The following ZNF804B variants were observed in gnomAD, a reference collection of about 807,000 sequenced individuals.
ZNF804B encodes the protein zinc finger 804B.
Under a neutral mutation model 101.4 loss-of-function variants are expected in ZNF804B, and 80 were observed. The observed-to-expected ratio is 0.79, with a 90% confidence interval of 0.66 to 0.95. The LOEUF is 0.95. Ranked by LOEUF, ZNF804B falls within the 40% of genes least tolerant of loss-of-function variation. ZNF804B has a pLI of 0.00. For synonymous variants in ZNF804B, 622 were observed against 558.8 expected, an observed-to-expected ratio of 1.11 and a Z score of -1.59; for missense variants, 1,673 against 1,561.9, an observed-to-expected ratio of 1.07 and a Z score of -1.20.
At chr7:88,765,579 A>T (rs78955265) in intron 1 of ZNF804B, among the ~76,000 whole-genome samples, 4,182 of 152,240 alleles carry the variant, frequency 0.027, 207 homozygotes, top group African/African-American at 0.092. Flanking sequence ...CAAGATACAC[A>T]TTGTCATAAT....
At chr7:88,946,490 T>C (rs1472691835) in intron 1 of ZNF804B, among the ~76,000 whole-genome samples, 2 of 151,998 alleles carry the variant, frequency 1.3e-5, no homozygotes, top group Non-Finnish European at 2.9e-5. Context: ...ATGGATTCTG[T>C]TTGCCAGTAT....
intron 1 of ZNF804B, among the ~76,000 whole-genome samples, chr7:89,152,517 A>G (rs1790894392): frequency 6.6e-6 from 1 of 152,080 alleles, no homozygotes; most frequent in Non-Finnish European, 1.5e-5. Flanking sequence ...TATGCATTCT[A>G]TCTGAACATA....
intron 1 of ZNF804B, among the ~76,000 whole-genome samples, chr7:89,101,172 A>T (rs1790049401): frequency 6.6e-6 from 1 of 152,036 alleles, no homozygotes; most frequent in Admixed American, 6.6e-5. Flanking sequence ...TCATTTACTC[A>T]TGGGCACTAT....
At chr7:88,909,387 C>T (rs1001027833) in intron 1 of ZNF804B, among the ~76,000 whole-genome samples, 8 of 151,724 alleles carry the variant, frequency 5.3e-5, no homozygotes, top group Admixed American at 2.0e-4. Flanking sequence ...GATGAAAGAG[C>T]TGTGTTGCTA....
chr7:89,019,744 A>G (rs1788633107), intron 1 of ZNF804B, among the ~76,000 whole-genome samples: 1 of 151,938 alleles, frequency 6.6e-6, no homozygotes, highest in Non-Finnish European at 1.5e-5. Flanking sequence ...GTTTCTTTTT[A>G]CAATTTTTGA....
intron 1 of ZNF804B, among the ~76,000 whole-genome samples, chr7:89,040,528 G>C (rs1562868122): frequency 6.6e-6 from 1 of 151,858 alleles, no homozygotes; most frequent in Admixed American, 6.6e-5. Context: ...CTTATTTTTG[G>C]TTAGTCGTAT....
chr7:88,868,519 C>A (rs1004082433), intron 1 of ZNF804B, among the ~76,000 whole-genome samples: 1 of 152,166 alleles, frequency 6.6e-6, no homozygotes, highest in African/African-American at 2.4e-5. Flanking sequence ...AACATTCAGG[C>A]ACATACTCCC....
chr7:88,968,955 T>C (rs1246172715), intron 1 of ZNF804B, among the ~76,000 whole-genome samples: 2 of 151,584 alleles, frequency 1.3e-5, no homozygotes, highest in Non-Finnish European at 3.0e-5. Flanking sequence ...ATTACAGTCT[T>C]ACATACACTG....
At chr7:89,207,775 G>C (rs989531542) in intron 1 of ZNF804B, among the ~76,000 whole-genome samples, 1 of 151,994 alleles carries the variant, frequency 6.6e-6, no homozygotes, top group Non-Finnish European at 1.5e-5. Flanking sequence ...AAATGTATTC[G>C]TTCTTTCAGT....
At chr7:88,895,027 A>G (rs1048478091) in intron 1 of ZNF804B, among the ~76,000 whole-genome samples, 1 of 152,196 alleles carries the variant, frequency 6.6e-6, no homozygotes, top group African/African-American at 2.4e-5. Context: ...AAAGTGCAAA[A>G]TGACAAAAAC....
intron 1 of ZNF804B, among the ~76,000 whole-genome samples, chr7:88,848,272 G>A (rs1431277986): frequency 6.6e-6 from 1 of 152,168 alleles, no homozygotes; most frequent in Non-Finnish European, 1.5e-5. Context: ...AAGAGATGAA[G>A]CTCAACAGGC....
At chr7:88,876,949 C>T (rs1479922941) in intron 1 of ZNF804B, among the ~76,000 whole-genome samples, 1 of 126,640 alleles carries the variant, frequency 7.9e-6, no homozygotes, top group Non-Finnish European at 1.6e-5. Context: ...TGAGCTTTAC[C>T]TTAAAAACAT....
intron 1 of ZNF804B, among the ~76,000 whole-genome samples, chr7:88,987,282 T>A (rs1793771719): frequency 6.6e-6 from 1 of 152,120 alleles, no homozygotes; most frequent in African/African-American, 2.4e-5. Flanking sequence ...AAAACCAAGA[T>A]TTGTCTCCTG....
At chr7:89,100,607 T>C (rs1012652865) in intron 1 of ZNF804B, among the ~76,000 whole-genome samples, 2 of 151,952 alleles carry the variant, frequency 1.3e-5, no homozygotes, top group African/African-American at 4.8e-5. Context: ...GTGTTCAAAC[T>C]ACTCAATAGG....
intron 1 of ZNF804B, among the ~76,000 whole-genome samples, chr7:89,019,159 C>T (rs994920828): frequency 6.6e-6 from 1 of 151,972 alleles, no homozygotes; most frequent in Non-Finnish European, 1.5e-5. Flanking sequence ...TGCTGCATCC[C>T]ATAAGTTTTG....
chr7:88,971,232 T>C (rs2116111966), intron 1 of ZNF804B, among the ~76,000 whole-genome samples: 1 of 151,740 alleles, frequency 6.6e-6, no homozygotes, highest in Admixed American at 6.6e-5. Flanking sequence ...GTTTGGTCAA[T>C]GACTGAAGTT....
rs539555812 is a variant in ZNF804B, at chr7:89,035,540, G to C, written c.109-182615G>C. On this transcript the variant is annotated intron_variant, in intron 1 of 3. Transcript: ENST00000333190. ...AAAATGAGTAAGACATAAATCTTCA[G>C]AATTAAAGCCCGGAAGCAAAGTGTA... Among the ~76,000 whole-genome samples, 4 of 152,084 alleles carry C rather than the reference G, an allele frequency of 2.6e-5. No individual in the cohort carries two copies. The East Asian group carries it at 5.8e-4, about 22-fold the overall frequency.
chr7:89,160,729 A>G (rs1791046989), intron 1 of ZNF804B, among the ~76,000 whole-genome samples: 1 of 152,120 alleles, frequency 6.6e-6, no homozygotes, highest in Non-Finnish European at 1.5e-5. Context: ...TTATTATTAT[A>G]TCTCCTAAAA....
chr7:88,968,891 C>T (rs924379021), intron 1 of ZNF804B, among the ~76,000 whole-genome samples: 22 of 151,440 alleles, frequency 1.5e-4, no homozygotes, highest in African/African-American at 4.8e-4. Flanking sequence ...TTCTTGGACA[C>T]GTATCTTTTC....
Sources: gnomAD v4.1 joint callset for allele counts (sites outside exome capture counted in the v4.1 genomes callset) on GRCh38, gnomAD v4.1.1 for gene constraint, MANE v1.5 for transcripts, NCBI Gene and HGNC (gene_info 2026-07-23, HGNC 2026-07-21) for gene names.